MALRD1: variants seen among roughly 807,000 people sequenced by gnomAD.
The protein encoded by MALRD1 is MAM and LDL receptor class A domain containing 1, also known as MAM and LDL-receptor class A domain-containing protein 1.
A neutral mutation model predicts 242.1 loss-of-function variants in MALRD1; 247 were observed. The observed-to-expected ratio is 1.02, with a 90% CI of 0.92 to 1.13. The LOEUF (loss-of-function observed/expected upper bound fraction) is 1.13. Among genes scored for constraint, MALRD1 ranks in the 50% most tolerant of loss-of-function variants. The probability of loss-of-function intolerance (pLI) is 0.00; values close to 1 mark genes in which losing one functional copy is unlikely to be tolerated. For synonymous variants in MALRD1, 995 were observed against 866.6 expected (o/e 1.15, Z -2.60); for missense variants, 2,989 against 2,533.1 (o/e 1.18, Z -3.86).
intron 36 of MALRD1, among the ~76,000 whole-genome samples, chr10:19,685,821 G>A (rs1445468061): frequency 6.6e-6 from 1 of 152,102 alleles, no homozygotes; most frequent in Non-Finnish European, 1.5e-5. Flanking sequence ...GTACCCTTTT[G>A]TGACAGAATT....
chr10:19,664,907 A>G (rs941123611), intron 36 of MALRD1, among the ~76,000 whole-genome samples: 2 of 152,248 alleles, frequency 1.3e-5, no homozygotes, highest in East Asian at 3.9e-4. Context: ...AATAATATTA[A>G]TCATTCACCT....
intron 34 of MALRD1, among the ~76,000 whole-genome samples, chr10:19,596,769 AAG>A (rs1838120187): frequency 6.6e-6 from 1 of 151,258 alleles, no homozygotes; most frequent in Non-Finnish European, 1.5e-5. Context: ...GAACGAAAGA[AAG>A]AGAGAAAGAG....
intron 36 of MALRD1, among the ~76,000 whole-genome samples, chr10:19,691,708 A>C (rs1401960196): frequency 6.6e-6 from 1 of 152,166 alleles, no homozygotes; most frequent in East Asian, 1.9e-4. Flanking sequence ...CATCATGTAC[A>C]TCCCTAAATA....
chr10:19,227,511 T>C lies in MALRD1; in HGVS notation c.2991+17831T>C, dbSNP rs568877025. 7.4e-4 allele frequency among the ~76,000 whole-genome samples: 113 copies of C among 152,138 alleles called. 2 individuals are homozygous for C. Among genetic ancestry groups the C allele is most frequent in the Middle Eastern group, 6.8e-3 (2 of 294 alleles). ...ATAGATAATGTAAATATAAAAAGTA[T>C]AAAGCTTACTGAATAGGAAAAATTT... On this transcript the variant is annotated intron_variant, in intron 18 of 39. Coordinates refer to ENST00000454679, the MANE Select transcript of MALRD1 (RefSeq NM_001142308.3).
At chr10:19,729,931 G>T (rs1175113803) in intron 38 of MALRD1, among the ~76,000 whole-genome samples, 4 of 151,384 alleles carry the variant, frequency 2.6e-5, no homozygotes, top group African/African-American at 7.3e-5. Context: ...TAGAGACGGG[G>T]TTTCACCGTG....
In MALRD1 at chr10:19,331,396, A is replaced by G; in HGVS notation, c.3715A>G (p.Ser1239Gly). Residue 1239 changes from serine to glycine, a missense_variant, in exon 24 of 40, where the codon AGT (serine) becomes GGT (glycine). Ser to Gly is a moderately conservative substitution (Grantham distance 56). Coordinates refer to ENST00000454679, the MANE Select transcript of MALRD1 (RefSeq NM_001142308.3). ...QIVFRAKRGI[S>G]YIGDVAVDDI... Reference sequence around the variant, plus strand: ...TGTCTTCAGAGCCAAACGTGGTATCAGTTACATAGGAGATGTAGCAGTGGA... The same window carrying G: ...TGTCTTCAGAGCCAAACGTGGTATCGGTTACATAGGAGATGTAGCAGTGGA... 1.3e-6 allele frequency: 2 copies of G among 1,550,494 alleles called. No homozygotes were observed. The highest frequency in any genetic ancestry group is 1.2e-5 in the South Asian group (1 of 84,060).
intron 28 of MALRD1, among the ~76,000 whole-genome samples, chr10:19,449,655 C>T (rs533649863): frequency 2.8e-4 from 42 of 151,988 alleles, no homozygotes; most frequent in African/African-American, 8.7e-4. Context: ...TATACAGACC[C>T]GGTGGTCTTC....
intron 20 of MALRD1, among the ~76,000 whole-genome samples, chr10:19,281,344 G>A (rs1233646658): frequency 6.6e-6 from 1 of 152,116 alleles, no homozygotes; most frequent in Non-Finnish European, 1.5e-5. Context: ...GTTTGTAAGA[G>A]TTTATACAAA....
intron 29 of MALRD1, among the ~76,000 whole-genome samples, chr10:19,470,719 G>A (rs1025008256): frequency 6.6e-6 from 1 of 151,622 alleles, no homozygotes; most frequent in African/African-American, 2.4e-5. Context: ...TTGTCCATTT[G>A]TTATGTCTTT....
At chr10:19,472,368 G>A (rs1836538650) in intron 29 of MALRD1, among the ~76,000 whole-genome samples, 2 of 151,928 alleles carry the variant, frequency 1.3e-5, no homozygotes, top group African/African-American at 4.8e-5. Flanking sequence ...TTCTTTTCTT[G>A]TAGTGTTTTT....
intron 39 of MALRD1, among the ~76,000 whole-genome samples, chr10:19,733,711 A>G (rs550388472): frequency 6.8e-6 from 1 of 146,914 alleles, no homozygotes; most frequent in South Asian, 2.2e-4. Flanking sequence ...GTTTTATATT[A>G]TATATATATA....
At chr10:19,344,641 G>A (rs1460747460) in intron 24 of MALRD1, among the ~76,000 whole-genome samples, 6 of 146,796 alleles carry the variant, frequency 4.1e-5, no homozygotes, top group Admixed American at 2.1e-4. Context: ...TCCCTTTGAC[G>A]TTCTATATAT....
chr10:19,367,922 C>T (rs993359190), intron 26 of MALRD1, among the ~76,000 whole-genome samples: 3 of 151,754 alleles, frequency 2.0e-5, no homozygotes, highest in East Asian at 1.9e-4. Flanking sequence ...AATGTTTGTT[C>T]AGATCATTTG....
At chr10:19,096,423 T>C (rs985237075) in intron 4 of MALRD1, among the ~76,000 whole-genome samples, 1 of 152,216 alleles carries the variant, frequency 6.6e-6, no homozygotes, top group Non-Finnish European at 1.5e-5. Context: ...TTATTGCTGA[T>C]GTGAAAACAG....
At chr10:19,098,568 T>A (rs935246739) in intron 4 of MALRD1, among the ~76,000 whole-genome samples, 4 of 152,192 alleles carry the variant, frequency 2.6e-5, no homozygotes, top group Admixed American at 6.5e-5. Flanking sequence ...TCTCATCATT[T>A]TGTGTCTCAA....
At chr10:19,305,404 T>A (rs997049507) in intron 21 of MALRD1, among the ~76,000 whole-genome samples, 1 of 151,590 alleles carries the variant, frequency 6.6e-6, no homozygotes, top group Non-Finnish European at 1.5e-5. Flanking sequence ...CAACTTTTTT[T>A]TGTTTCTGTG....
chr10:19,131,601 C>A (rs1397614530), intron 8 of MALRD1, among the ~76,000 whole-genome samples: 1 of 151,968 alleles, frequency 6.6e-6, no homozygotes, highest in African/African-American at 2.4e-5. Context: ...TAATTCTTTA[C>A]CAAATTACAT....
chr10:19,710,407 G>T (rs1211016756), intron 38 of MALRD1: 3 of 151,554 alleles, frequency 2.0e-5, no homozygotes, highest in Non-Finnish European at 4.4e-5. Flanking sequence ...ATTTCCTTTT[G>T]TAACTAATAT....
chr10:19,278,472 T>TCCAA (rs1465923586), intron 19 of MALRD1, among the ~76,000 whole-genome samples: 1 of 151,878 alleles, frequency 6.6e-6, no homozygotes, highest in Non-Finnish European at 1.5e-5. Context: ...CATCCATCCA[T>TCCAA]CCATCCATCC....
Sources: allele counts gnomAD v4.1 joint callset (sites outside exome capture counted in the v4.1 genomes callset), GRCh38; gene constraint gnomAD v4.1.1; transcripts MANE v1.5; gene names NCBI Gene and HGNC (gene_info 2026-07-23, HGNC 2026-07-21).